Variants in SHTN1 observed in about 807,000 individuals in gnomAD.
The protein encoded by SHTN1 is shootin 1, also known as shootin-1.
In SHTN1, 42 loss-of-function variants were observed where a neutral mutation model predicts 83.1. That is an observed-to-expected ratio of 0.51 (90% CI 0.39 to 0.65). SHTN1 has a LOEUF of 0.65. SHTN1 is among the 30% of genes least tolerant of loss of function. The probability of loss-of-function intolerance (pLI) is 0.00; values close to 1 mark genes in which losing one functional copy is unlikely to be tolerated. For synonymous variants in SHTN1, 224 were observed against 247.7 expected, an observed-to-expected ratio of 0.90 and a Z score of 0.90; for missense variants, 622 against 737.8, an observed-to-expected ratio of 0.84 and a Z score of 1.82.
intron 1 of SHTN1, among the ~76,000 whole-genome samples, chr10:117,055,685 TAGCAC>T (rs1196105899): frequency 6.6e-6 from 1 of 152,174 alleles, no homozygotes; most frequent in African/African-American, 2.4e-5. Flanking sequence ...CTGGGCAACA[TAGCAC>T]AGCCCTGTCT....
intron 3 of SHTN1, among the ~76,000 whole-genome samples, chr10:116,962,695 T>G (rs1003230807): frequency 6.6e-6 from 1 of 152,210 alleles, no homozygotes; most frequent in African/African-American, 2.4e-5. Flanking sequence ...GTGATTCAAC[T>G]TGATAAACAT....
chr10:117,069,638 C>A (rs747318250), intron 1 of SHTN1, among the ~76,000 whole-genome samples: 8 of 152,288 alleles, frequency 5.3e-5, no homozygotes, highest in Middle Eastern at 3.4e-3. Flanking sequence ...TAAATTATTA[C>A]TATTACATTT....
chr10:116,992,003 G>A (rs542039611), intron 1 of SHTN1, among the ~76,000 whole-genome samples: 21 of 151,966 alleles, frequency 1.4e-4, no homozygotes, highest in African/African-American at 3.4e-4. Flanking sequence ...CTAGCCAGGC[G>A]TAGTGGCACA....
chr10:117,025,560 C>A (rs1852323083), intron 2 of SHTN1, among the ~76,000 whole-genome samples: 1 of 152,148 alleles, frequency 6.6e-6, no homozygotes, highest in African/African-American at 2.4e-5. Context: ...ACACAACCTA[C>A]TGAGACACCA....
intron 9 of SHTN1, among the ~76,000 whole-genome samples, chr10:116,935,212 G>C (rs901209681): frequency 2.0e-5 from 3 of 152,202 alleles, no homozygotes; most frequent in African/African-American, 7.2e-5. Flanking sequence ...TTGAATAGGC[G>C]TGGTGAGAGA....
At chr10:117,024,208 T>C (rs1344806721) in intron 2 of SHTN1, among the ~76,000 whole-genome samples, 2 of 152,060 alleles carry the variant, frequency 1.3e-5, no homozygotes, top group Non-Finnish European at 2.9e-5. Context: ...AGTAAAAGCA[T>C]TTCTGAACAG....
At chr10:117,031,191 G>T (rs940404361) in intron 2 of SHTN1, among the ~76,000 whole-genome samples, 3 of 152,110 alleles carry the variant, frequency 2.0e-5, no homozygotes, top group Admixed American at 2.0e-4. Context: ...TACAGGTCAG[G>T]AGAGAGTGAC....
At position 116,884,009 on chromosome 10, in the gene SHTN1, A is replaced by G; in HGVS notation, c.*2335T>C. 4.3e-6 allele frequency: 1 copy of G among 233,336 alleles called. No homozygotes were observed. 14.5% of individuals were successfully genotyped at this position (233,336 alleles called of 1,614,324 possible). A position where few individuals can be genotyped will look rare whatever the true frequency, so the allele number is the denominator to read the frequency against. On this transcript the variant is annotated 3_prime_UTR_variant, in exon 17 of 17. Coordinates refer to ENST00000355371, the MANE Select transcript of SHTN1 (RefSeq NM_001127211.3). ...CTCACTCGGGCTATAAAATGCATCAACATTCGTTTTTCTTAAAGAAAAAAA... is the reference window on the plus strand; with the variant it reads ...CTCACTCGGGCTATAAAATGCATCAGCATTCGTTTTTCTTAAAGAAAAAAA...
upstream of SHTN1, among the ~76,000 whole-genome samples, chr10:117,007,629 T>TA (rs1301419481): frequency 6.6e-6 from 1 of 151,046 alleles, no homozygotes; most frequent in African/African-American, 2.4e-5. Context: ...TATGAATTAT[T>TA]AGGAGGGCTA....
intron 1 of SHTN1, among the ~76,000 whole-genome samples, chr10:116,982,529 T>C (rs1851062340): frequency 6.6e-6 from 1 of 152,216 alleles, no homozygotes; most frequent in South Asian, 2.1e-4. Flanking sequence ...TTTGGCAATG[T>C]TACGGGGTCG....
At chr10:117,120,278 C>G (rs188784262) in intron 1 of SHTN1, among the ~76,000 whole-genome samples, 3 of 146,168 alleles carry the variant, frequency 2.1e-5, no homozygotes, top group Admixed American at 6.8e-5. Context: ...GACTGAGTCT[C>G]GCTCTGTTGC....
chr10:117,008,007 CAAT>C (rs1340567025), upstream of SHTN1, among the ~76,000 whole-genome samples: 3 of 151,854 alleles, frequency 2.0e-5, no homozygotes, highest in African/African-American at 4.8e-5. Context: ...GACTCCATCT[CAAT>C]AATAATAATA....
chr10:117,043,716 C>G (rs1589908942), intron 2 of SHTN1, among the ~76,000 whole-genome samples: 1 of 152,016 alleles, frequency 6.6e-6, no homozygotes, highest in African/African-American at 2.4e-5. Context: ...GTGGCACATG[C>G]CTGTAGTCCC....
chr10:117,025,328 C>A (rs964822364), intron 2 of SHTN1, among the ~76,000 whole-genome samples: 13 of 152,160 alleles, frequency 8.5e-5, no homozygotes, highest in African/African-American at 3.1e-4. Flanking sequence ...TGATGCTCAC[C>A]CATGGAGGGA....
chr10:116,928,009 T>C, intron 10 of SHTN1, 118 bp from the exon 11 acceptor site: 1 of 1,179,608 alleles, frequency 8.5e-7, no homozygotes, highest in Non-Finnish European at 1.2e-6. Flanking sequence ...TAAGGCAAAA[T>C]TAGAAATTTC....
chr10:116,965,736 C>T (rs1850366668), intron 3 of SHTN1, among the ~76,000 whole-genome samples: 1 of 152,184 alleles, frequency 6.6e-6, no homozygotes, highest in South Asian at 2.1e-4. Flanking sequence ...ATTTATTGAG[C>T]ACTTACTATA....
At chr10:117,102,934 G>C (rs918104611) in intron 1 of SHTN1, among the ~76,000 whole-genome samples, 4 of 152,148 alleles carry the variant, frequency 2.6e-5, no homozygotes, top group African/African-American at 9.7e-5. Flanking sequence ...GCAAAGACAC[G>C]AGTGCTCCAC....
At chr10:117,083,024 A>G (rs1182911309) in intron 1 of SHTN1, among the ~76,000 whole-genome samples, 9 of 150,084 alleles carry the variant, frequency 6.0e-5, no homozygotes, top group Non-Finnish European at 9.0e-5. Flanking sequence ...TGGAGCATTT[A>G]GTCCATTTAC....
chr10:116,990,859 C>CCT (rs1851402963), intron 1 of SHTN1, among the ~76,000 whole-genome samples: 1 of 151,958 alleles, frequency 6.6e-6, no homozygotes, highest in Admixed American at 6.6e-5. Flanking sequence ...TCTTCTACTC[C>CCT]CTCTTTGAAG....
Sources: gnomAD v4.1 joint callset for allele counts (sites outside exome capture counted in the v4.1 genomes callset) on GRCh38, gnomAD v4.1.1 for gene constraint, MANE v1.5 for transcripts, NCBI Gene and HGNC (gene_info 2026-07-23, HGNC 2026-07-21) for gene names.